Variants in SMAP1 observed in about 807,000 individuals in gnomAD.
SMAP1 encodes small ArfGAP 1.
In SMAP1, 24 loss-of-function variants were observed where a neutral mutation model predicts 58.5. That is an observed-to-expected ratio of 0.41 (90% CI 0.30 to 0.58). The LOEUF is 0.58. Among genes scored for constraint, SMAP1 ranks in the 20% least tolerant of loss-of-function variants. SMAP1 has a pLI of 0.29. For missense variants in SMAP1, 563 were observed against 566.3 expected (o/e 0.99, Z 0.06); for synonymous variants, 216 against 196.6 (o/e 1.10, Z -0.82).
chr6:70,718,344 A>G (rs567280143), intron 1 of SMAP1, among the ~76,000 whole-genome samples: 1 of 152,210 alleles, frequency 6.6e-6, no homozygotes, highest in Non-Finnish European at 1.5e-5. Flanking sequence ...TAAATGGTTA[A>G]GGATAATGAA....
chr6:70,783,591 G>A (rs1041900013), intron 4 of SMAP1, among the ~76,000 whole-genome samples: 5 of 152,118 alleles, frequency 3.3e-5, no homozygotes, highest in African/African-American at 4.8e-5. Context: ...AATAACCAAT[G>A]CAGAGAAGTG....
chr6:70,763,937 C>T (rs1482017438), intron 3 of SMAP1, among the ~76,000 whole-genome samples: 1 of 152,118 alleles, frequency 6.6e-6, no homozygotes, highest in Non-Finnish European at 1.5e-5. Flanking sequence ...GTTGTTTTGA[C>T]AGGTTCTCAC....
chr6:70,764,095 G>A (rs959673656), intron 3 of SMAP1, among the ~76,000 whole-genome samples: 13 of 108,120 alleles, frequency 1.2e-4, no homozygotes, highest in African/African-American at 4.6e-4. Flanking sequence ...TTTTTTTTTT[G>A]TAAAGATGGG....
chr6:70,760,053 T>C (rs971963580), intron 3 of SMAP1: 1 of 231,490 alleles, frequency 4.3e-6, no homozygotes, highest in African/African-American at 2.2e-5. Flanking sequence ...AGACTTTCCC[T>C]CCTGTATCGG....
intron 5 of SMAP1, among the ~76,000 whole-genome samples, chr6:70,793,727 A>AT (rs1203491154): frequency 6.6e-6 from 1 of 151,086 alleles, no homozygotes; most frequent in African/African-American, 2.4e-5. Context: ...TTATTTATTT[A>AT]TTTATTTTTT....
intron 1 of SMAP1, among the ~76,000 whole-genome samples, chr6:70,677,201 A>G (rs868769500): frequency 8.2e-5 from 9 of 110,266 alleles, no homozygotes; most frequent in South Asian, 2.6e-4. Flanking sequence ...TTTTTTTGCT[A>G]TATCCTTAGG....
intron 1 of SMAP1, among the ~76,000 whole-genome samples, chr6:70,690,246 T>C (rs1368367160): frequency 6.6e-6 from 1 of 152,200 alleles, no homozygotes; most frequent in East Asian, 1.9e-4. Context: ...CAGAAATGTA[T>C]GTTGAATTTT....
chr6:70,846,363 A>C (rs1203713141), intron 7 of SMAP1, among the ~76,000 whole-genome samples: 2 of 151,952 alleles, frequency 1.3e-5, no homozygotes, highest in East Asian at 3.9e-4. Flanking sequence ...AGGCAGCTGC[A>C]CTCTTCCTGG....
chr6:70,822,921 C>T (rs1769951029), intron 6 of SMAP1, among the ~76,000 whole-genome samples: 1 of 151,992 alleles, frequency 6.6e-6, no homozygotes, highest in African/African-American at 2.4e-5. Context: ...CAGCTGTGTC[C>T]AGTCTCCTAA....
chr6:70,761,273 G>C (rs1443360375), intron 3 of SMAP1, among the ~76,000 whole-genome samples: 1 of 152,020 alleles, frequency 6.6e-6, no homozygotes, highest in African/African-American at 2.4e-5. Context: ...GCTGTACTGA[G>C]TGCTTTATAA....
rs1263324011 is a variant in SMAP1 at position 70,861,831 on chromosome 6, T to C, written c.*1497T>C. 1 of 1,614,072 alleles carries C rather than the reference T, an allele frequency of 6.2e-7. No homozygotes were observed. Among genetic ancestry groups the C allele is most frequent in the Admixed American group, 1.7e-5 (1 of 60,006 alleles). On this transcript the variant is annotated 3_prime_UTR_variant, in exon 11 of 11. Coordinates refer to ENST00000370455, the MANE Select transcript of SMAP1 (RefSeq NM_001044305.3). The stretch of plus-strand genomic sequence containing the variant: ...GGGCAGCACAAGTGTAATGAATACC[T>C]TAGTGCAGTTATTTGCTTTCGGTTC...
intron 1 of SMAP1, among the ~76,000 whole-genome samples, chr6:70,721,646 T>C (rs1204888413): frequency 6.6e-6 from 1 of 152,198 alleles, no homozygotes; most frequent in Non-Finnish European, 1.5e-5. Context: ...GTTTTCATGC[T>C]GCTGATAAAG....
At chr6:70,828,388 T>C (rs767015223) in intron 6 of SMAP1, among the ~76,000 whole-genome samples, 1 of 152,200 alleles carries the variant, frequency 6.6e-6, no homozygotes, top group African/African-American at 2.4e-5. Flanking sequence ...CTGGGAATTA[T>C]GTGTTGTTGA....
chr6:70,757,061 G>A (rs1165269824), intron 3 of SMAP1, among the ~76,000 whole-genome samples: 1 of 152,162 alleles, frequency 6.6e-6, no homozygotes, highest in Non-Finnish European at 1.5e-5. Flanking sequence ...GCATTGCCAA[G>A]GCAATCCTAA....
chr6:70,760,710 A>G (rs1032222455), intron 3 of SMAP1, among the ~76,000 whole-genome samples: 1 of 152,032 alleles, frequency 6.6e-6, no homozygotes, highest in Non-Finnish European at 1.5e-5. Context: ...ATATAAATAT[A>G]GTTGTCTCAT....
chr6:70,801,262 A>G (rs897533759), intron 6 of SMAP1, among the ~76,000 whole-genome samples: 6 of 152,194 alleles, frequency 3.9e-5, no homozygotes, highest in Non-Finnish European at 8.8e-5. Context: ...CATTTGTCTG[A>G]TGACCAGTGA....
chr6:70,811,733 ATTG>A (rs2149970580), intron 6 of SMAP1, among the ~76,000 whole-genome samples: 1 of 152,216 alleles, frequency 6.6e-6, no homozygotes, highest in South Asian at 2.1e-4. Flanking sequence ...AGATCCCTTT[ATTG>A]TTGTGGATTC....
chr6:70,687,387 T>C (rs1766977938), intron 1 of SMAP1, among the ~76,000 whole-genome samples: 1 of 152,188 alleles, frequency 6.6e-6, no homozygotes, highest in Non-Finnish European at 1.5e-5. Context: ...TATTAAGATT[T>C]TATTGTACCA....
intron 1 of SMAP1, among the ~76,000 whole-genome samples, chr6:70,731,679 C>T (rs922892201): frequency 1.3e-5 from 2 of 152,160 alleles, no homozygotes; most frequent in Non-Finnish European, 2.9e-5. Context: ...ATATATTCAT[C>T]TGTGACCTTT....
Sources: allele counts gnomAD v4.1 joint callset (sites outside exome capture counted in the v4.1 genomes callset), GRCh38; gene constraint gnomAD v4.1.1; transcripts MANE v1.5; gene names NCBI Gene and HGNC (gene_info 2026-07-23, HGNC 2026-07-21).